AKR1C3: variants seen among roughly 807,000 people sequenced by gnomAD.
The protein encoded by AKR1C3 is 3-alpha hydroxysteroid dehydrogenase, type II.
A neutral mutation model predicts 43.6 loss-of-function variants in AKR1C3; 48 were observed. That is an observed-to-expected ratio of 1.10 (90% CI 0.87 to 1.40). The LOEUF (loss-of-function observed/expected upper bound fraction) is 1.40, where lower values mean the gene tolerates loss of function less well. Among genes scored for constraint, AKR1C3 ranks in the 40% most tolerant of loss-of-function variants. AKR1C3 has a pLI of 0.00. For synonymous variants in AKR1C3, 162 were observed against 139.6 expected (o/e 1.16, Z -1.13); for missense variants, 482 against 391.2 (o/e 1.23, Z -1.96).
intron 4 of AKR1C3, 92 bp downstream of exon 4, chr10:5,098,971 T>A (rs1554785577): frequency 1.9e-6 from 2 of 1,058,992 alleles, no homozygotes; most frequent in African/African-American, 3.2e-5. Context: ...ATATGCACCA[T>A]TAGATCTAGA....
chr10:5,098,785 G>T lies in AKR1C3; in HGVS notation c.370-17G>T, dbSNP rs1554785534. ...AATTAATTTGTGACATCATTAAAATGACTGCTTCTATTTCAGCCAGGTGAG... is the reference window on the plus strand; with the variant it reads ...AATTAATTTGTGACATCATTAAAATTACTGCTTCTATTTCAGCCAGGTGAG... On this transcript the variant is annotated splice_polypyrimidine_tract_variant and intron_variant, in intron 3 of 8. Coordinates refer to ENST00000380554, the MANE Select transcript of AKR1C3 (RefSeq NM_003739.6). 3 of 1,610,064 alleles carry T rather than the reference G, an allele frequency of 1.9e-6. No individual in the cohort carries two copies. The highest frequency in any genetic ancestry group is 1.1e-5 in the South Asian group (1 of 90,744).
chr10:5,076,011 C>G lies in AKR1C3; in HGVS notation c.85-20399C>G, dbSNP rs148902898. ...GCACTGGTTTCTGAGCTATTCAAAT[C>G]CCAGTTGTTTCACCCTTTATTTTTG... On this transcript the variant is annotated intron_variant, in intron 1 of 8. Coordinates refer to the AKR1C3 transcript ENST00000439082. 1.1e-4 allele frequency among the ~76,000 whole-genome samples: 17 copies of G among 152,268 alleles called. No homozygotes were observed. The East Asian group carries it at 3.1e-3, about 28-fold the overall frequency.
intron 8 of AKR1C3, among the ~76,000 whole-genome samples, chr10:5,106,921 A>T (rs973338707): frequency 3.5e-5 from 4 of 115,878 alleles, no homozygotes; most frequent in East Asian, 7.0e-4. Flanking sequence ...AATAAATAAA[A>T]AAAGGAAACC....
chr10:5,080,498 C>A (rs1325946721), intron 1 of AKR1C3, among the ~76,000 whole-genome samples: 2 of 152,128 alleles, frequency 1.3e-5, no homozygotes, highest in African/African-American at 4.8e-5. Flanking sequence ...GTGGCATGCA[C>A]CTCTAGTCCC....
At chr10:5,100,240 G>A (rs551866026) in intron 5 of AKR1C3, among the ~76,000 whole-genome samples, 1 of 152,308 alleles carries the variant, frequency 6.6e-6, no homozygotes, top group East Asian at 1.9e-4. Context: ...ATTGCGGTGA[G>A]CCGAGGTCAC....
Position 5,098,783 on chromosome 10 carries a change from A to C in AKR1C3, c.370-19A>C. 1 of 1,609,928 alleles carries C rather than the reference A, an allele frequency of 6.2e-7. No individual in the cohort carries two copies. Among genetic ancestry groups the C allele is most frequent in the Non-Finnish European group, 8.5e-7 (1 of 1,176,578 alleles). On this transcript the variant is annotated intron_variant, in intron 3 of 8. Transcript: ENST00000380554. ...GAAATTAATTTGTGACATCATTAAA[A>C]TGACTGCTTCTATTTCAGCCAGGTG...
intron 1 of AKR1C3, among the ~76,000 whole-genome samples, chr10:5,087,025 T>C (rs1448282278): frequency 6.6e-6 from 1 of 151,510 alleles, no homozygotes; most frequent in African/African-American, 2.5e-5. Flanking sequence ...CTTTATCCAA[T>C]TTGCCAGTCT....
chr10:5,084,964 G>A (rs1399337364), intron 1 of AKR1C3, among the ~76,000 whole-genome samples: 2 of 152,182 alleles, frequency 1.3e-5, no homozygotes, highest in South Asian at 2.1e-4. Flanking sequence ...TTATCAGCTT[G>A]AGGAGATTTT....
chr10:5,096,908 A>C (rs1588354686), intron 2 of AKR1C3, among the ~76,000 whole-genome samples: 1 of 152,120 alleles, frequency 6.6e-6, no homozygotes, highest in African/African-American at 2.4e-5. Flanking sequence ...AAGATTTCTT[A>C]TTATTCTCTC....
Position 5,107,540 on chromosome 10 carries a change from G to A in AKR1C3, c.*37G>A, listed in dbSNP as rs28943581. The A allele has an allele frequency of 2.9e-3, 4,387 of 1,504,592 alleles. 10 individuals carry two copies. The highest frequency in any genetic ancestry group is 5.4e-3 in the Middle Eastern group (30 of 5,602). The allele number at this position is 1,504,592 out of a possible 1,614,324, so 93.2% of individuals were successfully genotyped here. A position where few individuals can be genotyped will look rare whatever the true frequency, so the allele number is the denominator to read the frequency against. The stretch of plus-strand genomic sequence containing the variant: ...TTGCCTGATGTCTACCAGAAGCCCT[G>A]TGTGTGGATGGTGACGCAGAGGACG... On this transcript the variant is annotated 3_prime_UTR_variant, in exon 9 of 9. Coordinates refer to ENST00000380554, the MANE Select transcript of AKR1C3 (RefSeq NM_003739.6).
chr10:5,052,245 C>T (rs1554779003), intron 1 of AKR1C3, among the ~76,000 whole-genome samples: 1 of 152,080 alleles, frequency 6.6e-6, no homozygotes, highest in Non-Finnish European at 1.5e-5. Flanking sequence ...GTCTTGCTGG[C>T]TTCAGGAGTG....
At chr10:5,103,981 CACAT>C (rs1300724694) in intron 7 of AKR1C3, among the ~76,000 whole-genome samples, 15 of 151,942 alleles carry the variant, frequency 9.9e-5, no homozygotes, top group African/African-American at 2.7e-4. Context: ...AGATAGATTA[CACAT>C]ACATACATAT....
chr10:5,059,722 T>C lies in AKR1C3; in HGVS notation c.84+10827T>C, dbSNP rs566331144. On this transcript the variant is annotated intron_variant, in intron 1 of 8. Transcript: ENST00000439082. ...AGAATAGCAAGCAAAAGGGGTCTGA[T>C]GGTACTCAGTGCTTGGCGATAGGCG... 9.2e-5 allele frequency among the ~76,000 whole-genome samples: 14 copies of C among 152,184 alleles called. No individual in the cohort carries two copies. In the South Asian group the frequency reaches 2.7e-3, roughly 29 times the overall value.
intron 1 of AKR1C3, among the ~76,000 whole-genome samples, chr10:5,073,390 C>T (rs1554781510): frequency 6.6e-6 from 1 of 152,074 alleles, no homozygotes; most frequent in East Asian, 1.9e-4. Context: ...GACAGTTGTC[C>T]CAAATTAGGT....
intron 4 of AKR1C3, 66 bp downstream of exon 4, chr10:5,098,945 A>G (rs10508293): frequency 0.21 from 275,079 of 1,301,388 alleles, 39,366 homozygotes; most frequent in East Asian, 0.71. Context: ...TCCCAGGTTC[A>G]ATAGGAAAGA....
At chr10:5,087,984 C>T (rs1004285077) in intron 1 of AKR1C3, among the ~76,000 whole-genome samples, 1 of 152,098 alleles carries the variant, frequency 6.6e-6, no homozygotes, top group Non-Finnish European at 1.5e-5. Flanking sequence ...TCTCTTAGCA[C>T]TGCTTTCCCA....
chr10:5,102,848 C>CAAAAATGGAGATTT (rs1423467221), intron 7 of AKR1C3, among the ~76,000 whole-genome samples, 198 bp downstream of exon 7: 1 of 151,930 alleles, frequency 6.6e-6, no homozygotes, highest in Non-Finnish European at 1.5e-5. Context: ...AAGATGGGAC[C>CAAAAATGGAGATTT]AAAAATGGAG....
chr10:5,102,026 CCTTACTTTCATCTTTT>C (rs1445058882), intron 5 of AKR1C3, 59 bp from the exon 6 acceptor site: 15 of 937,776 alleles, frequency 1.6e-5, no homozygotes, highest in Non-Finnish European at 2.4e-5. Context: ...TATTCAGCTT[CCTTACTTTCATCTTTT>C]CAATATTAAC....
intron 1 of AKR1C3, among the ~76,000 whole-genome samples, chr10:5,062,854 TAAA>T (rs57602420): frequency 1.9e-4 from 27 of 138,514 alleles, no homozygotes; most frequent in East Asian, 4.1e-4. Context: ...AACTCCTAGT[TAAA>T]AAAAAAAAAA....
Sources: allele counts gnomAD v4.1 joint callset (sites outside exome capture counted in the v4.1 genomes callset), GRCh38; gene constraint gnomAD v4.1.1; transcripts MANE v1.5; gene names NCBI Gene and HGNC (gene_info 2026-07-23, HGNC 2026-07-21).